TRAPPC3L: variants seen among roughly 807,000 people sequenced by gnomAD.
TRAPPC3L encodes the protein trafficking protein particle complex subunit 3-like protein.
A neutral mutation model predicts 23.7 loss-of-function variants in TRAPPC3L; 23 were observed. That is an observed-to-expected ratio of 0.97 (90% CI 0.70 to 1.37). The LOEUF is 1.37. TRAPPC3L is among the 40% of genes most tolerant of loss of function. TRAPPC3L has a pLI of 0.00. For synonymous variants in TRAPPC3L, 81 were observed against 77.9 expected, an observed-to-expected ratio of 1.04 and a Z score of -0.21; for missense variants, 212 against 216.8, an observed-to-expected ratio of 0.98 and a Z score of 0.14.
intron 3 of TRAPPC3L, chr6:116,519,957 T>C (rs1235763744): frequency 6.6e-6 from 1 of 152,182 alleles, no homozygotes; most frequent in African/African-American, 2.4e-5. Flanking sequence ...AAAAAAGGTA[T>C]GTAACAAAGA....
chr6:116,495,381 T>C lies in TRAPPC3L; in HGVS notation c.*1573A>G, dbSNP rs1771820074. 1 of 152,128 alleles carries C rather than the reference T, an allele frequency of 6.6e-6. No individual in the cohort carries two copies. The highest frequency in any genetic ancestry group is 1.5e-5 in the Non-Finnish European group (1 of 68,016). 9.4% of individuals were successfully genotyped at this position (152,128 alleles called of 1,614,324 possible). On this transcript the variant is annotated 3_prime_UTR_variant, in exon 5 of 5. Coordinates refer to ENST00000368602, the MANE Select transcript of TRAPPC3L (RefSeq NM_001139444.3). ...TATGGCTGAATAGTACTCCATTGTG[T>C]ATATGTACCATATTTTCTTTATTTC...
chr6:116,511,976 T>C, intron 3 of TRAPPC3L: 1 of 1,614,080 alleles, frequency 6.2e-7, no homozygotes, highest in Non-Finnish European at 8.5e-7. Context: ...AGGCCACAGC[T>C]GCCGTTTCTT....
intron 3 of TRAPPC3L, among the ~76,000 whole-genome samples, chr6:116,527,711 C>G (rs1656331676): frequency 1.3e-5 from 2 of 152,150 alleles, no homozygotes; most frequent in Non-Finnish European, 2.9e-5. Flanking sequence ...ATCCAAATAA[C>G]TTAAACAGCA....
In TRAPPC3L at chr6:116,540,375, G is replaced by A. The variant is rs1197565377; in HGVS notation, c.228C>T (p.Asp76=). 1 of 1,550,804 alleles carries A rather than the reference G, an allele frequency of 6.4e-7. No homozygotes were observed. Among genetic ancestry groups the A allele is most frequent in the African/African-American group, 1.4e-5 (1 of 72,946 alleles). ...AAAACATAGTTACCTGGGCAATTATGTCTATAATTTCTGAATAACTATGGC... is the reference window on the plus strand; with the variant it reads ...AAAACATAGTTACCTGGGCAATTATATCTATAATTTCTGAATAACTATGGC... The part of the protein sequence containing the change: ...GRCHSYSEII[D]IIAQVAFKMY... The change falls in exon 3 of 5, where the codon GAC becomes GAT. Residue 76 remains aspartate (D), a synonymous_variant. Transcript: ENST00000368602.
chr6:116,515,722 G>T (rs751645617), intron 3 of TRAPPC3L: 1 of 1,614,026 alleles, frequency 6.2e-7, no homozygotes, highest in Admixed American at 1.7e-5. Flanking sequence ...ATGCACAAAA[G>T]GAGAAGGAGC....
At chr6:116,541,461 G>T (rs541958952) in intron 2 of TRAPPC3L, among the ~76,000 whole-genome samples, 153 of 152,290 alleles carry the variant, frequency 1.0e-3, no homozygotes, top group African/African-American at 3.6e-3. Flanking sequence ...CAGAGGCAAT[G>T]ATTACTCCAG....
chr6:116,508,615 T>C (rs1772048269), intron 3 of TRAPPC3L, among the ~76,000 whole-genome samples: 2 of 152,176 alleles, frequency 1.3e-5, no homozygotes, highest in South Asian at 4.1e-4. Context: ...ACTCTTCTCA[T>C]TTTGACTTTC....
chr6:116,538,033 A>G (rs1773202848), intron 3 of TRAPPC3L, among the ~76,000 whole-genome samples: 1 of 152,232 alleles, frequency 6.6e-6, no homozygotes, highest in East Asian at 1.9e-4. Flanking sequence ...AAGGATTCAT[A>G]TGGGATATTT....
chr6:116,508,153 G>A (rs541225052), intron 3 of TRAPPC3L, among the ~76,000 whole-genome samples: 10 of 152,210 alleles, frequency 6.6e-5, no homozygotes, highest in Non-Finnish European at 1.5e-4. Flanking sequence ...AGAAGGACTA[G>A]GAGATTCCTT....
rs1225282212 is a variant in TRAPPC3L at position 116,500,558 on chromosome 6, C to T, written c.349G>A (p.Glu117Lys). ...LEKNPLVEFVEELPAGRSSLC... is the reference protein window; with the variant it reads ...LEKNPLVEFVKELPAGRSSLC... ...GAAGATCGCCCAGCAGGGAGCTCTT[C>T]CACAAACTCCACCAGGGGATTCTTC... The change falls in exon 4 of 5, where the codon GAA becomes AAA. Residue 117 changes from glutamate to lysine, a missense_variant. Transcript: ENST00000368602. The T allele has an allele frequency of 9.7e-6, 15 of 1,551,548 alleles. No homozygotes were observed. The highest frequency in any genetic ancestry group is 1.3e-5 in the Non-Finnish European group (15 of 1,146,982).
At chr6:116,510,992 G>A (rs972004267) in intron 3 of TRAPPC3L, among the ~76,000 whole-genome samples, 7 of 151,382 alleles carry the variant, frequency 4.6e-5, no homozygotes, top group African/African-American at 1.5e-4. Context: ...GTGGTATAAT[G>A]GACTTTGGAG....
chr6:116,496,986 G>C lies in TRAPPC3L; in HGVS notation c.514C>G (p.Arg172Gly). Residue 172 changes from arginine to glycine, a missense_variant, in exon 5 of 5, where the codon CGA (arginine) becomes GGA (glycine). Coordinates refer to ENST00000368602, the MANE Select transcript of TRAPPC3L (RefSeq NM_001139444.3). The part of the protein sequence containing the change: ...TEIGITFLKK[R>G]DEKKYRGKK ...TTCCCTCTATATTTTTTCTCGTCTC[G>C]CTTTTTTAGAAATGTTATTCCTATT... The C allele has an allele frequency of 6.5e-7, 1 of 1,543,688 alleles. No individual in the cohort carries two copies. Among genetic ancestry groups the C allele is most frequent in the African/African-American group, 1.4e-5 (1 of 72,216 alleles).
intron 4 of TRAPPC3L, among the ~76,000 whole-genome samples, chr6:116,498,059 T>C (rs375316647): frequency 4.6e-5 from 7 of 152,210 alleles, no homozygotes; most frequent in African/African-American, 1.7e-4. Context: ...GCAACATTCA[T>C]CCTCAACTTT....
intron 3 of TRAPPC3L, chr6:116,515,490 G>A: frequency 9.1e-7 from 1 of 1,102,700 alleles, no homozygotes; most frequent in Admixed American, 2.5e-5. Context: ...TTTCAAATGA[G>A]GTATGTCAAA....
intron 3 of TRAPPC3L, among the ~76,000 whole-genome samples, chr6:116,513,860 C>A (rs1214760752): frequency 6.6e-6 from 1 of 152,264 alleles, no homozygotes; most frequent in Admixed American, 6.5e-5. Flanking sequence ...TTGGAATTGT[C>A]TGGCGTTGGG....
intron 3 of TRAPPC3L, among the ~76,000 whole-genome samples, chr6:116,504,953 G>A (rs893012484): frequency 2.6e-5 from 4 of 152,064 alleles, no homozygotes; most frequent in African/African-American, 7.2e-5. Flanking sequence ...TTTGAAAACC[G>A]GCACAAGACA....
intron 3 of TRAPPC3L, chr6:116,516,597 T>G: frequency 6.7e-6 from 1 of 149,542 alleles, no homozygotes; most frequent in Non-Finnish European, 1.5e-5. Flanking sequence ...CATCATAATT[T>G]TTGTGGGCTT....
intron 3 of TRAPPC3L, among the ~76,000 whole-genome samples, chr6:116,506,923 G>A (rs1360725945): frequency 6.6e-6 from 1 of 152,038 alleles, no homozygotes; most frequent in Non-Finnish European, 1.5e-5. Flanking sequence ...ATGTCGAGGT[G>A]ATTGGTGCAC....
intron 3 of TRAPPC3L, among the ~76,000 whole-genome samples, chr6:116,526,814 T>TAA: frequency 6.6e-6 from 1 of 152,346 alleles, no homozygotes; most frequent in East Asian, 1.9e-4. Flanking sequence ...TGTAAATAGT[T>TAA]ACATTAATAA....
Sources: gnomAD v4.1 joint callset for allele counts (sites outside exome capture counted in the v4.1 genomes callset) on GRCh38, gnomAD v4.1.1 for gene constraint, MANE v1.5 for transcripts, NCBI Gene and HGNC (gene_info 2026-07-23, HGNC 2026-07-21) for gene names.